The following GPD2 variants were observed in gnomAD, a reference collection of about 807,000 sequenced individuals.
GPD2 encodes glycerol-3-phosphate dehydrogenase, mitochondrial.
In GPD2, 54 loss-of-function variants were observed where a neutral mutation model predicts 82.4. The observed-to-expected ratio is 0.66, with a 90% CI of 0.53 to 0.82. The LOEUF (loss-of-function observed/expected upper bound fraction) is 0.82, where lower values mean the gene tolerates loss of function less well. Among genes scored for constraint, GPD2 ranks in the 40% least tolerant of loss-of-function variants. The pLI, the probability that GPD2 is intolerant of heterozygous loss-of-function variation, is 0.00. For synonymous variants in GPD2, 288 were observed against 306.1 expected, an observed-to-expected ratio of 0.94 and a Z score of 0.62; for missense variants, 748 against 896.2, an observed-to-expected ratio of 0.83 and a Z score of 2.11.
intron 1 of GPD2, among the ~76,000 whole-genome samples, chr2:156,454,047 A>G (rs1417190688): frequency 6.6e-6 from 1 of 152,240 alleles, no homozygotes; most frequent in African/African-American, 2.4e-5. Context: ...AACTTCAGAC[A>G]GGTAAGACTT....
At chr2:156,510,962 G>T (rs1291979957) in intron 4 of GPD2, 42 bp downstream of exon 4, 1 of 1,590,642 alleles carries the variant, frequency 6.3e-7, no homozygotes, top group East Asian at 2.2e-5. Context: ...TTGCAACTGT[G>T]CTTTTTTCTA....
chr2:156,581,698 G>T (rs1186860218), intron 16 of GPD2, among the ~76,000 whole-genome samples: 1 of 151,920 alleles, frequency 6.6e-6, no homozygotes, highest in African/African-American at 2.4e-5. Context: ...ATATCTCATG[G>T]TTATATGACT....
intron 9 of GPD2, among the ~76,000 whole-genome samples, chr2:156,559,256 C>A (rs1687081023): frequency 6.6e-6 from 1 of 152,044 alleles, no homozygotes; most frequent in Non-Finnish European, 1.5e-5. Flanking sequence ...GGTAAAGATT[C>A]TTTATTTGTG....
chr2:156,413,063 C>G, the GPD2 span, among the ~76,000 whole-genome samples: 1 of 152,048 alleles, frequency 6.6e-6, no homozygotes, highest in African/African-American at 2.4e-5. Context: ...TGCCACTACA[C>G]TCCAGCCTGG....
At chr2:156,564,106 G>GT (rs1687275807) in intron 9 of GPD2, among the ~76,000 whole-genome samples, 2 of 151,972 alleles carry the variant, frequency 1.3e-5, no homozygotes, top group East Asian at 1.9e-4. Context: ...TTGAATTTGG[G>GT]TTTTTTTGTT....
At chr2:156,454,643 G>T (rs1269447163) in intron 1 of GPD2, among the ~76,000 whole-genome samples, 2 of 152,192 alleles carry the variant, frequency 1.3e-5, no homozygotes, top group South Asian at 2.1e-4. Flanking sequence ...TCAGAGAAGA[G>T]AATTTAATGG....
intron 1 of GPD2, among the ~76,000 whole-genome samples, chr2:156,451,314 C>T (rs1228255728): frequency 6.6e-5 from 10 of 151,020 alleles, no homozygotes; most frequent in African/African-American, 2.2e-4. Context: ...ACCTCCTTTC[C>T]GGACAGGGCG....
At chr2:156,520,237 A>G (rs1329172580) in intron 6 of GPD2, among the ~76,000 whole-genome samples, 1 of 152,166 alleles carries the variant, frequency 6.6e-6, no homozygotes, top group Non-Finnish European at 1.5e-5. Flanking sequence ...AAAAAACAAC[A>G]TTCGGGTGGG....
At chr2:156,495,716 T>C (rs571026184) in intron 2 of GPD2, 71 of 394,010 alleles carry the variant, frequency 1.8e-4, no homozygotes, top group South Asian at 1.5e-3. Flanking sequence ...TTATGTTCCC[T>C]TATAAATTGC....
chr2:156,549,849 T>A, intron 7 of GPD2, 77 bp downstream of exon 7: 1 of 1,045,250 alleles, frequency 9.6e-7, no homozygotes, highest in Non-Finnish European at 1.5e-6. Context: ...ATAATTTTTC[T>A]GTCACTTCTC....
At chr2:156,441,072 T>A (rs1682158051) in intron 1 of GPD2, among the ~76,000 whole-genome samples, 1 of 152,186 alleles carries the variant, frequency 6.6e-6, no homozygotes, top group Non-Finnish European at 1.5e-5. Context: ...TAATCAATCA[T>A]GCCCACATCA....
At chr2:156,551,069 T>C (rs911632035) in intron 8 of GPD2, among the ~76,000 whole-genome samples, 4 of 152,222 alleles carry the variant, frequency 2.6e-5, no homozygotes, top group African/African-American at 9.6e-5. Context: ...TTTTGCAAAA[T>C]TTTTTATAAA....
At chr2:156,550,059 A>G (rs1169475448) in intron 7 of GPD2, among the ~76,000 whole-genome samples, 1 of 152,226 alleles carries the variant, frequency 6.6e-6, no homozygotes, top group Non-Finnish European at 1.5e-5. Flanking sequence ...TTACAAAAAC[A>G]TGTTATTAAT....
Position 156,483,286 on chromosome 2 carries a change from C to T in GPD2, c.102+7079C>T, listed in dbSNP as rs114655000. ...CTGGGTTTTGGTGAACCTGTTGTAG[C>T]GTGTGTAGGTTATAAAAAATTTCAG... On this transcript the variant is annotated intron_variant, in intron 2 of 16. Coordinates refer to ENST00000438166, the MANE Select transcript of GPD2 (RefSeq NM_000408.5). Among the ~76,000 whole-genome samples the T allele has an allele frequency of 4.0e-3, 611 of 152,184 alleles. 3 individuals are homozygous for T. The highest frequency in any genetic ancestry group is 0.014 in the African/African-American group (589 of 41,530).
intron 1 of GPD2, among the ~76,000 whole-genome samples, chr2:156,460,455 C>G (rs1682951150): frequency 6.6e-6 from 1 of 152,200 alleles, no homozygotes; most frequent in Non-Finnish European, 1.5e-5. Flanking sequence ...ATATAAATAA[C>G]TGTAATTAAT....
At chr2:156,477,900 A>G (rs1220888209) in intron 2 of GPD2, among the ~76,000 whole-genome samples, 1 of 152,142 alleles carries the variant, frequency 6.6e-6, no homozygotes, top group African/African-American at 2.4e-5. Flanking sequence ...GCATTAAGGG[A>G]TTAGATTACT....
intron 3 of GPD2, among the ~76,000 whole-genome samples, chr2:156,508,362 G>T (rs1229837731): frequency 6.6e-6 from 1 of 152,068 alleles, no homozygotes; most frequent in Non-Finnish European, 1.5e-5. Flanking sequence ...AGTCTTTAAT[G>T]ACCTAATCAC....
chr2:156,431,607 G>C (rs1688317384), upstream of GPD2, among the ~76,000 whole-genome samples: 1 of 151,892 alleles, frequency 6.6e-6, no homozygotes, highest in South Asian at 2.1e-4. Flanking sequence ...AAGTGCTTAG[G>C]CATATAGGAA....
chr2:156,433,775 C>T (rs548608995), upstream of GPD2, among the ~76,000 whole-genome samples: 1 of 152,144 alleles, frequency 6.6e-6, no homozygotes, highest in Non-Finnish European at 1.5e-5. Context: ...CCAGATCGCT[C>T]ACCTAAGCAT....
Sources: allele counts gnomAD v4.1 joint callset (sites outside exome capture counted in the v4.1 genomes callset), GRCh38; gene constraint gnomAD v4.1.1; transcripts MANE v1.5; gene names NCBI Gene and HGNC (gene_info 2026-07-23, HGNC 2026-07-21).